DPP10: variants seen among roughly 807,000 people sequenced by gnomAD.
DPP10 encodes the protein inactive dipeptidyl peptidase 10.
DPP10 carries 33 observed loss-of-function variants against 120.9 expected under a neutral mutation model. The observed-to-expected ratio is 0.27, with a 90% confidence interval of 0.21 to 0.37. DPP10 has a LOEUF of 0.37. Ranked by LOEUF, DPP10 falls within the 10% of genes least tolerant of loss-of-function variation. DPP10 has a pLI of 1.00. For missense variants in DPP10, 816 were observed against 942.8 expected (o/e 0.87, Z 1.76); for synonymous variants, 337 against 326.1 (o/e 1.03, Z -0.36).
intron 1 of DPP10, among the ~76,000 whole-genome samples, chr2:115,253,883 A>G (rs1574177493): frequency 6.6e-6 from 1 of 151,970 alleles, no homozygotes; most frequent in East Asian, 1.9e-4. Flanking sequence ...CACAGTGGGA[A>G]CTCCTTGTGG....
At chr2:114,851,670 A>G (rs1221574737) in intron 1 of DPP10, among the ~76,000 whole-genome samples, 2 of 152,200 alleles carry the variant, frequency 1.3e-5, no homozygotes, top group Non-Finnish European at 2.9e-5. Context: ...GTAACACAGC[A>G]ATTTATACCA....
intron 7 of DPP10, among the ~76,000 whole-genome samples, chr2:115,712,968 C>A (rs1205066635): frequency 6.6e-6 from 1 of 151,862 alleles, no homozygotes; most frequent in Non-Finnish European, 1.5e-5. Context: ...GTGTTGAACA[C>A]CACTCTAGAC....
chr2:115,234,220 A>T (rs2057884749), intron 1 of DPP10, among the ~76,000 whole-genome samples: 1 of 152,128 alleles, frequency 6.6e-6, no homozygotes, highest in African/African-American at 2.4e-5. Context: ...CTTTTCTCAC[A>T]CATCACATAC....
intron 4 of DPP10, among the ~76,000 whole-genome samples, chr2:115,510,375 G>A (rs1169240268): frequency 6.6e-6 from 1 of 152,010 alleles, no homozygotes; most frequent in African/African-American, 2.4e-5. Flanking sequence ...TTTTGCATGT[G>A]GAAATACAAT....
intron 1 of DPP10, among the ~76,000 whole-genome samples, chr2:114,565,101 G>C (rs1219511526): frequency 6.6e-6 from 1 of 152,152 alleles, no homozygotes; most frequent in African/African-American, 2.4e-5. Flanking sequence ...TCGTGATGGA[G>C]GTTATAGCAA....
chr2:114,912,555 C>A (rs1390469264), intron 1 of DPP10, among the ~76,000 whole-genome samples: 3 of 151,950 alleles, frequency 2.0e-5, no homozygotes, highest in East Asian at 3.9e-4. Context: ...CCAAGAGAAA[C>A]AAGACCATCA....
At chr2:115,791,405 T>C (rs1253997554) in intron 19 of DPP10, 49 bp downstream of exon 19, 1 of 1,491,998 alleles carries the variant, frequency 6.7e-7, no homozygotes, top group Non-Finnish European at 9.1e-7. Flanking sequence ...AGATTTTATA[T>C]TTTTGTGTCT....
At chr2:114,698,671 T>C (rs1329360465) in intron 1 of DPP10, among the ~76,000 whole-genome samples, 1 of 152,002 alleles carries the variant, frequency 6.6e-6, no homozygotes, top group African/African-American at 2.4e-5. Context: ...CAAGGGATCT[T>C]GGAAAGCAAG....
At chr2:115,205,825 A>G (rs1375160186) in intron 1 of DPP10, among the ~76,000 whole-genome samples, 2 of 152,204 alleles carry the variant, frequency 1.3e-5, no homozygotes, top group Admixed American at 6.5e-5. Context: ...GGAGATAAAC[A>G]TTGCATACAC....
chr2:114,688,114 C>A (rs1699490675), intron 1 of DPP10, among the ~76,000 whole-genome samples: 1 of 151,898 alleles, frequency 6.6e-6, no homozygotes, highest in Non-Finnish European at 1.5e-5. Flanking sequence ...TTACACAATT[C>A]TATTTTCTAT....
chr2:115,215,287 A>G (rs1161615661), intron 1 of DPP10, among the ~76,000 whole-genome samples: 1 of 152,210 alleles, frequency 6.6e-6, no homozygotes, highest in African/African-American at 2.4e-5. Context: ...TCCAGCAGGA[A>G]CTTATAACTT....
intron 5 of DPP10, among the ~76,000 whole-genome samples, chr2:115,641,607 A>G (rs2086788010): frequency 6.6e-6 from 1 of 152,046 alleles, no homozygotes; most frequent in African/African-American, 2.4e-5. Flanking sequence ...ATGAGTCTCT[A>G]TGTGTATTAT....
At chr2:115,121,908 A>G (rs1312887477) in intron 1 of DPP10, among the ~76,000 whole-genome samples, 1 of 152,198 alleles carries the variant, frequency 6.6e-6, no homozygotes, top group African/African-American at 2.4e-5. Flanking sequence ...TAGGCTGAAC[A>G]GTATTACAAA....
At chr2:115,010,655 C>G (rs1435900941) in intron 1 of DPP10, among the ~76,000 whole-genome samples, 1 of 152,098 alleles carries the variant, frequency 6.6e-6, no homozygotes, top group Non-Finnish European at 1.5e-5. Flanking sequence ...AAATGAGCCA[C>G]ATATCATATC....
chr2:115,403,196 A>T lies in DPP10; in HGVS notation c.271+59284A>T, dbSNP rs985824310. 2.0e-5 allele frequency among the ~76,000 whole-genome samples: 3 copies of T among 151,720 alleles called. 1 individual carries two copies. Among genetic ancestry groups the T allele is most frequent in the African/African-American group, 7.3e-5 (3 of 41,336 alleles). On this transcript the variant is annotated intron_variant, in intron 3 of 25. Transcript: ENST00000410059. ...GCAGAAAAAGCATTTAAGAAAACTC[A>T]GCACCCTTTTCTTATAAAAATTCTC...
At chr2:114,851,971 A>G (rs916468851) in intron 1 of DPP10, among the ~76,000 whole-genome samples, 36 of 152,116 alleles carry the variant, frequency 2.4e-4, no homozygotes, top group African/African-American at 8.7e-4. Flanking sequence ...TAAACACTGC[A>G]AAGGCTGTTG....
intron 1 of DPP10, among the ~76,000 whole-genome samples, chr2:115,194,334 C>T (rs1345654361): frequency 2.0e-5 from 3 of 152,104 alleles, no homozygotes; most frequent in African/African-American, 7.2e-5. Context: ...AAGCAATTCT[C>T]CTGCCTCAGC....
At chr2:115,005,158 C>G (rs191082318) in intron 1 of DPP10, among the ~76,000 whole-genome samples, 1 of 151,958 alleles carries the variant, frequency 6.6e-6, no homozygotes, top group Non-Finnish European at 1.5e-5. Context: ...TCTGAGGGTC[C>G]TCTCTCTTAG....
Position 115,592,452 on chromosome 2 carries a change from G to A in DPP10, c.441+66480G>A, listed in dbSNP as rs575681111. On this transcript the variant is annotated intron_variant, in intron 5 of 25. Transcript: ENST00000410059. ...GGCATACAAAAGGCCTTAGTAAGCTGAGCGTGGTGGCTCATGCCTGTAATC... is the reference window on the plus strand; with the variant it reads ...GGCATACAAAAGGCCTTAGTAAGCTAAGCGTGGTGGCTCATGCCTGTAATC... 3.3e-5 allele frequency among the ~76,000 whole-genome samples: 5 copies of A among 152,154 alleles called. No individual in the cohort carries two copies. The East Asian group carries it at 9.7e-4, about 30-fold the overall frequency.
Sources: allele counts gnomAD v4.1 joint callset (sites outside exome capture counted in the v4.1 genomes callset), GRCh38; gene constraint gnomAD v4.1.1; transcripts MANE v1.5; gene names NCBI Gene and HGNC (gene_info 2026-07-23, HGNC 2026-07-21).